DNAAF9: variants seen among roughly 807,000 people sequenced by gnomAD.
The protein encoded by DNAAF9 is shulin.
In DNAAF9, 90 loss-of-function variants were observed where a neutral mutation model predicts 167.0. The ratio of observed to expected loss-of-function variants is 0.54; its 90% CI spans 0.45 to 0.64. The LOEUF (loss-of-function observed/expected upper bound fraction) is 0.64. Among genes scored for constraint, DNAAF9 ranks in the 30% least tolerant of loss-of-function variants. The pLI, the probability that DNAAF9 is intolerant of heterozygous loss-of-function variation, is 0.00. For missense variants in DNAAF9, 1,315 were observed against 1,442.2 expected (o/e 0.91, Z 1.43); for synonymous variants, 491 against 508.8 (o/e 0.96, Z 0.47).
intron 7 of DNAAF9, among the ~76,000 whole-genome samples, chr20:3,356,083 T>C (rs1342298406): frequency 6.6e-6 from 1 of 152,228 alleles, no homozygotes; most frequent in Non-Finnish European, 1.5e-5. Flanking sequence ...GGAGGTGTGA[T>C]CTTGGCTCAC....
chr20:3,402,319 T>C (rs191348693), intron 1 of DNAAF9, among the ~76,000 whole-genome samples: 201 of 152,300 alleles, frequency 1.3e-3, no homozygotes, highest in African/African-American at 4.4e-3. Flanking sequence ...GAAGTATATA[T>C]ACATTGCGGA....
In DNAAF9 at chr20:3,358,386, C is replaced by T. The variant is rs140347371; in HGVS notation, c.690+1130G>A. Among the ~76,000 whole-genome samples, 550 of 152,106 alleles carry T rather than the reference C, an allele frequency of 3.6e-3. 5 individuals carry two copies. The highest frequency in any genetic ancestry group is 0.012 in the African/African-American group (506 of 41,496). On this transcript the variant is annotated intron_variant, in intron 7 of 36. Transcript: ENST00000252032. ...GTAACCTCCACCTCCTGGATTCAAG[C>T]GATTCTCCTGCCTCAGCCTTCTGAG...
intron 3 of DNAAF9, among the ~76,000 whole-genome samples, chr20:3,378,475 A>G (rs1260191646): frequency 6.6e-6 from 1 of 152,204 alleles, no homozygotes; most frequent in African/African-American, 2.4e-5. Flanking sequence ...TAAATAAAGC[A>G]ATCCCAAGAA....
chr20:3,318,451 G>C, intron 16 of DNAAF9, 51 bp from the exon 17 acceptor site: 1 of 888,952 alleles, frequency 1.1e-6, no homozygotes, highest in Non-Finnish European at 1.9e-6. Flanking sequence ...AAAACTTTCA[G>C]AGAAGTCCAT....
intron 28 of DNAAF9, among the ~76,000 whole-genome samples, chr20:3,281,095 C>T (rs913733972): frequency 1.1e-4 from 16 of 152,076 alleles, no homozygotes; most frequent in Non-Finnish European, 8.8e-5. Flanking sequence ...GTGGCACGAT[C>T]GCAGCTCACT....
chr20:3,399,288 G>A (rs201423904), intron 1 of DNAAF9, among the ~76,000 whole-genome samples: 1 of 151,660 alleles, frequency 6.6e-6, no homozygotes, highest in South Asian at 2.1e-4. Context: ...GTGCGATCTC[G>A]GCTCACTGCA....
At chr20:3,375,184 T>C (rs1009331520) in intron 4 of DNAAF9, 58 bp from the exon 5 acceptor site, 12 of 1,041,320 alleles carry the variant, frequency 1.2e-5, no homozygotes, top group East Asian at 2.4e-5. Flanking sequence ...CAAATTCCCA[T>C]ATTTTCTCTG....
intron 31 of DNAAF9, among the ~76,000 whole-genome samples, chr20:3,263,810 T>G (rs2068437048): frequency 6.6e-6 from 1 of 152,190 alleles, no homozygotes; most frequent in African/African-American, 2.4e-5. Context: ...AATTATAAAT[T>G]TTGATTTTTA....
At chr20:3,319,262 CAAA>C (rs57727958) in intron 16 of DNAAF9, among the ~76,000 whole-genome samples, 2 of 41,560 alleles carry the variant, frequency 4.8e-5, no homozygotes, top group Admixed American at 4.0e-4. Flanking sequence ...GACCCCGTCT[CAAA>C]AAAAAAAAAA....
chr20:3,366,798 C>T (rs1173344416), intron 6 of DNAAF9, among the ~76,000 whole-genome samples: 1 of 151,234 alleles, frequency 6.6e-6, no homozygotes, highest in Non-Finnish European at 1.5e-5. Flanking sequence ...GGTGGTGTAC[C>T]CCTGTAGTCC....
At chr20:3,322,153 C>A in intron 16 of DNAAF9, 64 bp downstream of exon 16, 1 of 1,270,320 alleles carries the variant, frequency 7.9e-7, no homozygotes, top group Non-Finnish European at 1.1e-6. Context: ...CTCCCACCTC[C>A]CAACTTACAG....
intron 6 of DNAAF9, among the ~76,000 whole-genome samples, chr20:3,364,940 C>CTTT (rs73616151): frequency 1.4e-5 from 2 of 143,028 alleles, no homozygotes; most frequent in Non-Finnish European, 3.0e-5. Context: ...CCTTCTTTTC[C>CTTT]TTTTTTCTTT....
intron 1 of DNAAF9, chr20:3,384,522 T>G (rs903824268): frequency 5.3e-5 from 8 of 149,972 alleles, no homozygotes; most frequent in African/African-American, 1.5e-4. Context: ...TGAATATAAA[T>G]GTAAACATCC....
intron 6 of DNAAF9, among the ~76,000 whole-genome samples, chr20:3,371,458 C>G (rs887938220): frequency 2.0e-5 from 3 of 150,832 alleles, no homozygotes; most frequent in Admixed American, 6.6e-5. Context: ...ATTCTCCTGC[C>G]TCAGCCTCCC....
intron 33 of DNAAF9, 45 bp downstream of exon 33, chr20:3,259,435 A>C: frequency 1.7e-6 from 2 of 1,172,736 alleles, no homozygotes; most frequent in Non-Finnish European, 2.6e-6. Flanking sequence ...CATGAGATGC[A>C]AGCACTCCAT....
intron 16 of DNAAF9, among the ~76,000 whole-genome samples, chr20:3,319,055 C>T (rs1051814097): frequency 2.6e-4 from 36 of 137,124 alleles, no homozygotes; most frequent in Admixed American, 8.0e-4. Flanking sequence ...TGAACTCCAG[C>T]CTGGGCAACA....
chr20:3,292,956 G>C (rs928219269), intron 25 of DNAAF9, among the ~76,000 whole-genome samples: 3 of 151,728 alleles, frequency 2.0e-5, no homozygotes, highest in African/African-American at 7.3e-5. Context: ...CGTGGTGGCA[G>C]GTACCTGAAA....
chr20:3,355,724 G>A (rs2083276502), intron 7 of DNAAF9, among the ~76,000 whole-genome samples: 1 of 152,000 alleles, frequency 6.6e-6, no homozygotes. Context: ...ACTAAATATA[G>A]AACCTTTAAT....
At position 3,350,140 on chromosome 20, in the gene DNAAF9, G is replaced by GACACACACAC. The variant is rs1491384105; in HGVS notation, c.691-1518_691-1517insGTGTGTGTGT. ...AGACTATCAGACACACAGACACACA[G>GACACACACAC]ACACACAGACACACAGACACACACA... On this transcript the variant is annotated intron_variant, in intron 7 of 36. Transcript: ENST00000252032. Among the ~76,000 whole-genome samples the GACACACACAC allele has an allele frequency of 1.4e-3, 158 of 115,738 alleles. 1 individual carries two copies. Among genetic ancestry groups the GACACACACAC allele is most frequent in the Non-Finnish European group, 1.8e-3 (92 of 51,212 alleles). 75.9% of individuals were successfully genotyped at this position (115,738 alleles called of 152,430 possible). A position where few individuals can be genotyped will look rare whatever the true frequency, so the allele number is the denominator to read the frequency against.
Sources: gnomAD v4.1 joint callset for allele counts (sites outside exome capture counted in the v4.1 genomes callset) on GRCh38, gnomAD v4.1.1 for gene constraint, MANE v1.5 for transcripts, NCBI Gene and HGNC (gene_info 2026-07-23, HGNC 2026-07-21) for gene names.